GUCY2C: variants seen among roughly 807,000 people sequenced by gnomAD.
GUCY2C encodes guanylate cyclase 2C.
In GUCY2C, 118 loss-of-function variants were observed where a neutral mutation model predicts 131.1. That is an observed-to-expected ratio of 0.90 (90% CI 0.78 to 1.05). The LOEUF (loss-of-function observed/expected upper bound fraction) is 1.05, where lower values mean the gene tolerates loss of function less well. Among genes scored for constraint, GUCY2C ranks in the 50% least tolerant of loss-of-function variants. The pLI is 0.00. For synonymous variants in GUCY2C, 452 were observed against 457.8 expected, an observed-to-expected ratio of 0.99 and a Z score of 0.16; for missense variants, 1,161 against 1,304.4, an observed-to-expected ratio of 0.89 and a Z score of 1.69.
chr12:14,640,251 T>G (rs1592100194), intron 18 of GUCY2C, among the ~76,000 whole-genome samples: 1 of 151,784 alleles, frequency 6.6e-6, no homozygotes, highest in Non-Finnish European at 1.5e-5. Flanking sequence ...TCACTCGAGC[T>G]CAGGAGCTCA....
intron 18 of GUCY2C, among the ~76,000 whole-genome samples, chr12:14,640,462 C>CAAAAAAAA (rs3083859): frequency 8.7e-6 from 1 of 114,574 alleles, no homozygotes; most frequent in Non-Finnish European, 1.9e-5. Context: ...GACACTGTCT[C>CAAAAAAAA]AAAAAAAAAA....
At position 14,612,824 on chromosome 12, in the gene GUCY2C, A is replaced by T. The variant is rs1331761334; in HGVS notation, c.*293T>A. On this transcript the variant is annotated 3_prime_UTR_variant, in exon 27 of 27. Coordinates refer to ENST00000261170, the MANE Select transcript of GUCY2C (RefSeq NM_004963.4). ...TAAACAAACAAAAAATAAATGAAAT[A>T]AGAATAAAATCTTCTCAAGTTCTAG... 1 of 280,076 alleles carries T rather than the reference A, an allele frequency of 3.6e-6. No homozygotes were observed. Among genetic ancestry groups the T allele is most frequent in the Non-Finnish European group, 6.6e-6 (1 of 151,990 alleles). The allele number at this position is 280,076 out of a possible 1,614,324, so 17.3% of individuals were successfully genotyped here. A position where few individuals can be genotyped will look rare whatever the true frequency, so the allele number is the denominator to read the frequency against.
intron 16 of GUCY2C, among the ~76,000 whole-genome samples, chr12:14,644,481 T>A (rs904197398): frequency 1.9e-4 from 29 of 152,252 alleles, no homozygotes; most frequent in African/African-American, 7.0e-4. Context: ...AGGAGTGACG[T>A]GTGTGGCAAA....
At chr12:14,671,329 G>C (rs1948104652) in intron 9 of GUCY2C, among the ~76,000 whole-genome samples, 1 of 152,080 alleles carries the variant, frequency 6.6e-6, no homozygotes, top group Non-Finnish European at 1.5e-5. Context: ...GTAGAGACAG[G>C]GTTTTACCGC....
chr12:14,633,672 A>AT (rs1340069694), intron 19 of GUCY2C, among the ~76,000 whole-genome samples: 1 of 151,442 alleles, frequency 6.6e-6, no homozygotes, highest in Admixed American at 6.6e-5. Context: ...AAATAAAAAA[A>AT]ATTCAGGATA....
At chr12:14,691,059 GTTC>G (rs1465929723) in intron 1 of GUCY2C, among the ~76,000 whole-genome samples, 1 of 152,134 alleles carries the variant, frequency 6.6e-6, no homozygotes, top group Non-Finnish European at 1.5e-5. Flanking sequence ...AATAGAAGTT[GTTC>G]TTCTGAACAA....
At position 14,687,948 on chromosome 12, in the gene GUCY2C, T is replaced by C. The variant is rs7963073; in HGVS notation, c.330+3A>G. 375 of 1,554,222 alleles carry C rather than the reference T, an allele frequency of 2.4e-4. 1 individual carries two copies. In the African/African-American group the frequency reaches 4.7e-3, roughly 20 times the overall value. On this transcript the variant is annotated splice_donor_region_variant and intron_variant, in intron 2 of 26. Coordinates refer to ENST00000261170, the MANE Select transcript of GUCY2C (RefSeq NM_004963.4). ...AGCTGCATCCACAAAAGCAAATACT[T>C]ACTGAAATTTTCCTGAGTAGGTCGA... is the stretch of plus-strand genomic sequence containing the variant.
chr12:14,630,910 T>G (rs1232479384), intron 19 of GUCY2C, among the ~76,000 whole-genome samples: 1 of 152,150 alleles, frequency 6.6e-6, no homozygotes, highest in African/African-American at 2.4e-5. Context: ...ATACTCAGAT[T>G]AGAAAAAAAG....
chr12:14,634,735 G>T (rs912101478), intron 19 of GUCY2C, among the ~76,000 whole-genome samples: 16 of 152,132 alleles, frequency 1.1e-4, no homozygotes, highest in Admixed American at 7.2e-4. Flanking sequence ...TATCTGTAAA[G>T]AAATATGTAG....
chr12:14,669,827 C>G lies in GUCY2C; in HGVS notation c.1177G>C (p.Val393Leu). 6.8e-7 allele frequency: 1 copy of G among 1,467,694 alleles called. No homozygotes were observed. Among genetic ancestry groups the G allele is most frequent in the Non-Finnish European group, 9.4e-7 (1 of 1,059,176 alleles). 90.9% of individuals were successfully genotyped at this position (1,467,694 alleles called of 1,614,324 possible). A position where few individuals can be genotyped will look rare whatever the true frequency, so the allele number is the denominator to read the frequency against. The change falls in exon 10 of 27, where the codon GTT (valine) becomes CTT (leucine). Residue 393 changes from valine to leucine, a missense_variant. Transcript: ENST00000261170. Reference sequence around the variant, plus strand: ...ACGTGGGTATCATAGGTCAAAAGAACCTTGTACTGTGTCAGGGCACAAAAA... The same window carrying G: ...ACGTGGGTATCATAGGTCAAAAGAAGCTTGTACTGTGTCAGGGCACAAAAA... The part of the protein sequence containing the change: ...YTSVDTKKYK[V>L]LLTYDTHVNK...
chr12:14,641,066 A>C lies in GUCY2C; in HGVS notation c.2068+16T>G, dbSNP rs1165463712. 6.2e-7 allele frequency: 1 copy of C among 1,611,730 alleles called. No homozygotes were observed. The highest frequency in any genetic ancestry group is 2.2e-5 in the East Asian group (1 of 44,874). ...GCTCACTCCCAGAGGGGACACATGA[A>C]TGGGTTTAGATGTACCATTCCGGTC... On this transcript the variant is annotated intron_variant, in intron 18 of 26. Coordinates refer to ENST00000261170, the MANE Select transcript of GUCY2C (RefSeq NM_004963.4).
chr12:14,675,199 C>T (rs1948202462), intron 7 of GUCY2C, among the ~76,000 whole-genome samples: 2 of 107,966 alleles, frequency 1.9e-5, no homozygotes, highest in African/African-American at 7.2e-5. Context: ...CAGAGTGAAA[C>T]TCCATCTCAA....
intron 19 of GUCY2C, among the ~76,000 whole-genome samples, chr12:14,631,250 C>G (rs1451869135): frequency 6.6e-6 from 1 of 151,804 alleles, no homozygotes; most frequent in Non-Finnish European, 1.5e-5. Flanking sequence ...TTTTATTATA[C>G]TTTAAGTTTT....
At position 14,639,912 on chromosome 12, in the gene GUCY2C, G is replaced by C; in HGVS notation, c.2107C>G (p.Pro703Ala). ...FRVENSNGMKPFRPDLFLETA... is the reference protein window; with the variant it reads ...FRVENSNGMKAFRPDLFLETA... The stretch of plus-strand genomic sequence containing the variant: ...TCCAAGAATAAATCTGGGCGGAAGG[G>C]TTTCATTCCATTGGAATTTTCCACT... Residue 703 changes from proline (P) to alanine (A), a missense_variant, in exon 19 of 27, where the codon CCC becomes GCC. Pro to Ala is a conservative substitution (Grantham distance 27). Coordinates refer to ENST00000261170, the MANE Select transcript of GUCY2C (RefSeq NM_004963.4). 2 of 1,611,650 alleles carry C rather than the reference G, an allele frequency of 1.2e-6. No homozygotes were observed. The highest frequency in any genetic ancestry group is 1.7e-6 in the Non-Finnish European group (2 of 1,177,748).
chr12:14,686,043 T>C, intron 3 of GUCY2C, 118 bp downstream of exon 3: 2 of 658,288 alleles, frequency 3.0e-6, no homozygotes, highest in Non-Finnish European at 5.4e-6. Flanking sequence ...TATGGGGAGA[T>C]GGCAAAATAC....
intron 19 of GUCY2C, 140 bp from the exon 20 acceptor site, chr12:14,628,877 C>CTT: frequency 1.6e-6 from 1 of 614,978 alleles, no homozygotes; most frequent in Non-Finnish European, 2.9e-6. Flanking sequence ...CAAGAGATCC[C>CTT]CAGCTCTCTG....
Position 14,672,883 on chromosome 12 carries a change from T to C in GUCY2C, c.1160A>G (p.Asp387Gly), listed in dbSNP as rs587776905. 1.3e-6 allele frequency: 2 copies of C among 1,591,566 alleles called. No individual in the cohort carries two copies. Among genetic ancestry groups the C allele is most frequent in the Non-Finnish European group, 8.6e-7 (1 of 1,159,910 alleles). The change falls in exon 9 of 27, where the codon GAC (aspartate) becomes GGC (glycine). Residue 387 changes from aspartate (D) to glycine (G), a missense_variant. By Grantham distance (94) the Asp-to-Gly change is moderately conservative (BLOSUM62 -1). Transcript: ENST00000261170. ...AGCAGTGAGACATACTTTCTTGGTGTCCACAGAGGTATACAGAAGCACCAT... is the reference window on the plus strand; with the variant it reads ...AGCAGTGAGACATACTTTCTTGGTGCCCACAGAGGTATACAGAAGCACCAT... ...STMVLLYTSV[D>G]TKKYKVLLTY...
chr12:14,641,630 T>C (rs1253895290), intron 17 of GUCY2C, among the ~76,000 whole-genome samples: 1 of 152,138 alleles, frequency 6.6e-6, no homozygotes, highest in Non-Finnish European at 1.5e-5. Flanking sequence ...GGAATGAACC[T>C]ATGAAAGCCT....
At position 14,674,664 on chromosome 12, in the gene GUCY2C, G is replaced by C. The variant is rs919901726; in HGVS notation, c.1045C>G (p.Pro349Ala). 3 of 1,613,246 alleles carry C rather than the reference G, an allele frequency of 1.9e-6. No individual in the cohort carries two copies. In the African/African-American group the frequency reaches 4.0e-5, roughly 22 times the overall value. ...FLENGENITTPKFAHAFRNLT... is the reference protein window; with the variant it reads ...FLENGENITTAKFAHAFRNLT... ...TTCCTGAAAGCATGAGCAAATTTGGGGGTGGTAATATTTTCTCCATTTTCA... is the reference window on the plus strand; with the variant it reads ...TTCCTGAAAGCATGAGCAAATTTGGCGGTGGTAATATTTTCTCCATTTTCA... Residue 349 changes from proline (P) to alanine (A), a missense_variant, in exon 8 of 27, where the codon CCC becomes GCC. Coordinates refer to ENST00000261170, the MANE Select transcript of GUCY2C (RefSeq NM_004963.4).
Sources: allele counts gnomAD v4.1 joint callset (sites outside exome capture counted in the v4.1 genomes callset), GRCh38; gene constraint gnomAD v4.1.1; transcripts MANE v1.5; gene names NCBI Gene and HGNC (gene_info 2026-07-23, HGNC 2026-07-21).